NUP210L: variants seen among roughly 807,000 people sequenced by gnomAD.
NUP210L encodes the protein nucleoporin 210 like.
NUP210L carries 74 observed loss-of-function variants against 208.5 expected under a neutral mutation model. That is an observed-to-expected ratio of 0.35 (90% CI 0.29 to 0.43). The LOEUF (loss-of-function observed/expected upper bound fraction) is 0.43, where lower values mean the gene tolerates loss of function less well. Ranked by LOEUF, NUP210L falls within the 20% of genes least tolerant of loss-of-function variation. NUP210L has a pLI of 1.00. For synonymous variants in NUP210L, 780 were observed against 816.9 expected (o/e 0.95, Z 0.77); for missense variants, 1,843 against 2,289.4 (o/e 0.81, Z 3.98).
chr1:154,062,338 T>C (rs950872331), intron 17 of NUP210L, among the ~76,000 whole-genome samples: 3 of 152,162 alleles, frequency 2.0e-5, no homozygotes, highest in Non-Finnish European at 4.4e-5. Context: ...GATAGTCCTT[T>C]GGGATCTTTC....
intron 17 of NUP210L, among the ~76,000 whole-genome samples, chr1:154,068,244 C>A (rs1472796247): frequency 1.3e-5 from 2 of 152,112 alleles, no homozygotes; most frequent in Non-Finnish European, 2.9e-5. Context: ...AGATATAGAC[C>A]AATGGAACAG....
chr1:154,036,265 TTTAA>T (rs1444418767), intron 27 of NUP210L, among the ~76,000 whole-genome samples: 2 of 151,850 alleles, frequency 1.3e-5, no homozygotes, highest in East Asian at 1.9e-4. Context: ...TTTCAGTGTT[TTTAA>T]TTAATTAAAA....
intron 27 of NUP210L, among the ~76,000 whole-genome samples, chr1:154,040,447 G>A (rs1173441260): frequency 1.3e-5 from 2 of 152,052 alleles, no homozygotes; most frequent in Admixed American, 6.6e-5. Context: ...AGGAGCAGAA[G>A]AGAAGGAGGA....
chr1:154,118,130 T>G (rs1309515219), intron 11 of NUP210L, among the ~76,000 whole-genome samples: 2 of 152,010 alleles, frequency 1.3e-5, no homozygotes, highest in Non-Finnish European at 2.9e-5. Flanking sequence ...GCCAACATGG[T>G]GAAACCCTGT....
intron 25 of NUP210L, among the ~76,000 whole-genome samples, chr1:154,053,412 G>T (rs1653633819): frequency 6.6e-6 from 1 of 152,176 alleles, no homozygotes; most frequent in Non-Finnish European, 1.5e-5. Context: ...AAAATAAAAA[G>T]GGAGAACATG....
At chr1:153,998,374 G>C (rs1650019475) in intron 37 of NUP210L, among the ~76,000 whole-genome samples, 1 of 151,976 alleles carries the variant, frequency 6.6e-6, no homozygotes, top group Non-Finnish European at 1.5e-5. Context: ...GGCCAACATG[G>C]TGAAACCTTG....
chr1:154,107,584 G>A (rs1656834235), intron 12 of NUP210L, among the ~76,000 whole-genome samples: 1 of 152,072 alleles, frequency 6.6e-6, no homozygotes, highest in Non-Finnish European at 1.5e-5. Flanking sequence ...TACAGTCATG[G>A]GCCAAGTGCA....
chr1:153,998,151 A>G (rs967570626), intron 37 of NUP210L, among the ~76,000 whole-genome samples: 24 of 152,228 alleles, frequency 1.6e-4, no homozygotes, highest in Non-Finnish European at 2.5e-4. Flanking sequence ...AGTATAGTCA[A>G]TGAATTCTGT....
rs1467908724 is a variant in NUP210L at position 154,030,340 on chromosome 1, C to G, written c.3697-286G>C. ...AAAAAATTAAAATTAAAAATTCACT[C>G]AGCCTGGAGTGCAGTGGAACAATCT... On this transcript the variant is annotated intron_variant, in intron 27 of 39. Coordinates refer to ENST00000368559, the Ensembl canonical transcript of NUP210L. 9.2e-5 allele frequency among the ~76,000 whole-genome samples: 14 copies of G among 152,106 alleles called. No homozygotes were observed. In the East Asian group the frequency reaches 2.7e-3, roughly 29 times the overall value.
intron 2 of NUP210L, among the ~76,000 whole-genome samples, chr1:154,152,157 A>G (rs1441060033): frequency 7.0e-6 from 1 of 142,472 alleles, no homozygotes; most frequent in African/African-American, 2.7e-5. Context: ...CTTCATTTTT[A>G]TTTTATTTTA....
At chr1:154,155,116 T>A in exon 1 of NUP210L, 1 of 1,109,070 alleles carries the variant, frequency 9.0e-7, no homozygotes, top group Non-Finnish European at 1.3e-6. Context: ...TCCACAGGCG[T>A]GACGTCAGCA....
chr1:154,139,080 C>T (rs562088515), intron 5 of NUP210L, among the ~76,000 whole-genome samples: 1 of 152,132 alleles, frequency 6.6e-6, no homozygotes, highest in East Asian at 1.9e-4. Context: ...CCAGCCTGGC[C>T]ATCATGGTGA....
At chr1:154,117,584 C>CAA in intron 12 of NUP210L, 141 bp downstream of exon 12, 30 of 574,374 alleles carry the variant, frequency 5.2e-5, no homozygotes, top group East Asian at 7.2e-5. Context: ...CATCTGTCTC[C>CAA]AAAAAAAAAA....
chr1:153,992,826 A>G (rs1192831895), exon 40 of NUP210L: 8 of 1,575,020 alleles, frequency 5.1e-6, no homozygotes, highest in African/African-American at 1.4e-5. Context: ...AAACTTGTCC[A>G]AGCAGAGGTT....
At chr1:154,004,197 T>C (rs1210255937) in intron 35 of NUP210L, among the ~76,000 whole-genome samples, 1 of 150,894 alleles carries the variant, frequency 6.6e-6, no homozygotes, top group Non-Finnish European at 1.5e-5. Context: ...GCCTCCCGAG[T>C]AGCTGGGACT....
At chr1:154,135,647 T>C (rs573301894) in intron 7 of NUP210L, among the ~76,000 whole-genome samples, 167 bp downstream of exon 7, 1 of 152,056 alleles carries the variant, frequency 6.6e-6, no homozygotes, top group Admixed American at 6.6e-5. Context: ...GGTCTCGATC[T>C]CCTGACCTTG....
chr1:153,992,830 A>G lies in NUP210L; in HGVS notation c.*5T>C, dbSNP rs199981732. On this transcript the variant is annotated 3_prime_UTR_variant, in exon 40 of 40. Coordinates refer to ENST00000368559, the Ensembl canonical transcript of NUP210L. ...GCAGTTAAGAGAAACTTGTCCAAGC[A>G]GAGGTTAGTGCCTTATACTCCATAA... 7.7e-5 allele frequency: 122 copies of G among 1,581,162 alleles called. No individual in the cohort carries two copies. The African/African-American group carries it at 1.4e-3, about 19-fold the overall frequency.
chr1:154,052,285 G>A (rs1056758644), intron 25 of NUP210L, among the ~76,000 whole-genome samples: 11 of 152,154 alleles, frequency 7.2e-5, no homozygotes, highest in African/African-American at 2.4e-4. Flanking sequence ...ATACCATCAC[G>A]ACACCTGAAA....
exon 3 of NUP210L, chr1:154,143,498 A>C (rs757271437): frequency 6.2e-7 from 1 of 1,614,012 alleles, no homozygotes; most frequent in Admixed American, 1.7e-5. Flanking sequence ...CATCTACATA[A>C]AGTTCCCGGG....
Sources: gnomAD v4.1 joint callset for allele counts (sites outside exome capture counted in the v4.1 genomes callset) on GRCh38, gnomAD v4.1.1 for gene constraint, MANE v1.5 for transcripts, NCBI Gene and HGNC (gene_info 2026-07-23, HGNC 2026-07-21) for gene names.